ZHX2: variants seen among roughly 807,000 people sequenced by gnomAD.
ZHX2 encodes zinc fingers and homeoboxes 2.
ZHX2 carries 6 observed loss-of-function variants against 21.9 expected under a neutral mutation model. That is an observed-to-expected ratio of 0.27 (90% CI 0.15 to 0.54). The LOEUF is 0.54. Ranked by LOEUF, ZHX2 falls within the 20% of genes least tolerant of loss-of-function variation. The pLI is 0.95. For missense variants in ZHX2, 908 were observed against 1,090.7 expected, an observed-to-expected ratio of 0.83 and a Z score of 2.36; for synonymous variants, 434 against 437.1, an observed-to-expected ratio of 0.99 and a Z score of 0.09.
At chr8:122,841,256 G>A (rs1242736358) in intron 1 of ZHX2, among the ~76,000 whole-genome samples, 5 of 152,152 alleles carry the variant, frequency 3.3e-5, no homozygotes, top group African/African-American at 1.2e-4. Context: ...GGCGCTAGAG[G>A]CCTGGGGATA....
rs1046445094 is a variant in ZHX2, at chr8:122,953,743, T to G, written c.2233T>G (p.Leu745Val). 1.2e-6 allele frequency: 2 copies of G among 1,614,078 alleles called. No homozygotes were observed. The highest frequency in any genetic ancestry group is 3.3e-5 in the Admixed American group (2 of 59,996). The change falls in exon 3 of 4, where the codon TTG becomes GTG. Residue 745 changes from leucine to valine, a missense_variant. Leu to Val is a conservative substitution (Grantham distance 32). Coordinates refer to ENST00000314393, the MANE Select transcript of ZHX2 (RefSeq NM_014943.5). This position sits in a 1 kb window ranked among gnomAD's most constrained non-coding sequence, Gnocchi z 4.6. ...KKLCEEDLEK[L>V]VTRVKVGSEP... ...GCTCTGCGAAGAGGACTTGGAGAAG[T>G]TGGTGACCAGGGTAAAAGTAGGCAG...
At chr8:122,908,817 A>G (rs373467765) in intron 2 of ZHX2, among the ~76,000 whole-genome samples, 91 of 152,324 alleles carry the variant, frequency 6.0e-4, no homozygotes, top group African/African-American at 2.0e-3. Flanking sequence ...CTTCCAAAAA[A>G]GAAGGTGGTT....
chr8:122,824,913 A>G (rs1563743576), intron 1 of ZHX2, among the ~76,000 whole-genome samples: 1 of 152,164 alleles, frequency 6.6e-6, no homozygotes, highest in Non-Finnish European at 1.5e-5. Flanking sequence ...CTTTGACTTA[A>G]CAGCCCCCGT....
intron 1 of ZHX2, among the ~76,000 whole-genome samples, chr8:122,813,091 G>A (rs888848357): frequency 2.6e-5 from 4 of 151,946 alleles, no homozygotes. Context: ...AGCTACTCGG[G>A]AGGCTGAGGC....
intron 1 of ZHX2, among the ~76,000 whole-genome samples, chr8:122,801,424 G>C (rs2130572799): frequency 6.6e-6 from 1 of 152,152 alleles, no homozygotes; most frequent in Non-Finnish European, 1.5e-5. Context: ...TTATAAACAG[G>C]GAGATGTTTT....
At chr8:122,970,919 G>A (rs943775954) in intron 3 of ZHX2, among the ~76,000 whole-genome samples, 1 of 152,184 alleles carries the variant, frequency 6.6e-6, no homozygotes, top group African/African-American at 2.4e-5. Flanking sequence ...ACCTAGCTCT[G>A]TGCATGGAGA....
At chr8:122,796,414 G>A (rs1817614093) in intron 1 of ZHX2, among the ~76,000 whole-genome samples, 1 of 152,124 alleles carries the variant, frequency 6.6e-6, no homozygotes, top group Non-Finnish European at 1.5e-5. Context: ...GATTTACTTA[G>A]TGTGCTAAGT....
chr8:122,926,057 C>T (rs1820844592), intron 2 of ZHX2, among the ~76,000 whole-genome samples: 1 of 152,166 alleles, frequency 6.6e-6, no homozygotes, highest in Non-Finnish European at 1.5e-5. Flanking sequence ...GTGTCCTTCA[C>T]AGAAGCCACA....
At chr8:122,835,750 G>A (rs1054064209) in intron 1 of ZHX2, among the ~76,000 whole-genome samples, 2 of 152,124 alleles carry the variant, frequency 1.3e-5, no homozygotes, top group African/African-American at 4.8e-5. Context: ...AATTGCAGAG[G>A]TTGGGTTGTG....
At chr8:122,850,822 T>C (rs1818875979) in intron 1 of ZHX2, among the ~76,000 whole-genome samples, 1 of 151,906 alleles carries the variant, frequency 6.6e-6, no homozygotes, top group Non-Finnish European at 1.5e-5. Context: ...GTTTCTCCTC[T>C]GCCCCAGGCC....
chr8:122,930,747 C>T (rs1271729250), intron 2 of ZHX2, among the ~76,000 whole-genome samples: 2 of 151,874 alleles, frequency 1.3e-5, no homozygotes, highest in Non-Finnish European at 2.9e-5. Context: ...GCCTCGGTCT[C>T]CCAAAGTGCT....
At chr8:122,806,165 C>A (rs1179321018) in intron 1 of ZHX2, among the ~76,000 whole-genome samples, 1 of 152,152 alleles carries the variant, frequency 6.6e-6, no homozygotes, top group Non-Finnish European at 1.5e-5. Flanking sequence ...GAGTCACTTT[C>A]GATGGCATTA....
intron 2 of ZHX2, among the ~76,000 whole-genome samples, chr8:122,883,815 G>C (rs936557056): frequency 6.6e-6 from 1 of 152,228 alleles, no homozygotes; most frequent in African/African-American, 2.4e-5. Context: ...GAAATCAGAT[G>C]AAAGTTGTAA....
chr8:122,973,437 A>G lies in ZHX2; in HGVS notation c.*200A>G, dbSNP rs1036663469. 1.3e-5 allele frequency: 2 copies of G among 152,720 alleles called. No homozygotes were observed. The highest frequency in any genetic ancestry group is 2.9e-5 in the Non-Finnish European group (2 of 68,090). 9.5% of individuals were successfully genotyped at this position (152,720 alleles called of 1,614,324 possible). On this transcript the variant is annotated 3_prime_UTR_variant, in exon 4 of 4. Transcript: ENST00000314393. ...CCCAGAGGACCGGTGGGAATTGTTC[A>G]TAGTGCCAAAGTCCTACTACTGCGT...
chr8:122,906,862 G>T (rs533651767), intron 2 of ZHX2, among the ~76,000 whole-genome samples: 1 of 151,764 alleles, frequency 6.6e-6, no homozygotes, highest in African/African-American at 2.4e-5. Context: ...GTAGAGACAG[G>T]GTTTCACCAT....
chr8:122,955,006 C>T (rs1813257129), intron 3 of ZHX2, among the ~76,000 whole-genome samples: 1 of 149,958 alleles, frequency 6.7e-6, no homozygotes, highest in Non-Finnish European at 1.5e-5. Context: ...GTGCTTGGGT[C>T]CCCATAACCC....
chr8:122,881,599 A>G (rs1376717261), intron 2 of ZHX2, among the ~76,000 whole-genome samples: 1 of 152,222 alleles, frequency 6.6e-6, no homozygotes, highest in East Asian at 1.9e-4. Flanking sequence ...ATAGGTAGAG[A>G]TGAAGTAGAA....
chr8:122,924,311 C>A (rs1820803438), intron 2 of ZHX2, among the ~76,000 whole-genome samples: 1 of 152,166 alleles, frequency 6.6e-6, no homozygotes, highest in African/African-American at 2.4e-5. Flanking sequence ...AGTGGCTCTT[C>A]ACATCATCTT....
intron 2 of ZHX2, among the ~76,000 whole-genome samples, chr8:122,934,647 C>CT (rs1404344903): frequency 6.7e-6 from 1 of 148,838 alleles, no homozygotes; most frequent in Non-Finnish European, 1.5e-5. Flanking sequence ...TCCTTCCTTC[C>CT]TTCTTTATTA....
Sources: allele counts gnomAD v4.1 joint callset (sites outside exome capture counted in the v4.1 genomes callset), GRCh38; gene constraint gnomAD v4.1.1; non-coding constraint Gnocchi (gnomAD v3.1); transcripts MANE v1.5; gene names NCBI Gene and HGNC (gene_info 2026-07-23, HGNC 2026-07-21).